OXNAD1: variants seen among roughly 807,000 people sequenced by gnomAD.
OXNAD1 encodes oxidoreductase NAD-binding domain-containing protein 1.
In OXNAD1, 34 loss-of-function variants were observed where a neutral mutation model predicts 32.9. The observed-to-expected ratio is 1.03, with a 90% CI of 0.79 to 1.38. OXNAD1 has a LOEUF of 1.38. Among genes scored for constraint, OXNAD1 ranks in the 40% most tolerant of loss-of-function variants. The pLI is 0.00. For missense variants in OXNAD1, 407 were observed against 379.4 expected (o/e 1.07, Z -0.60); for synonymous variants, 134 against 135.2 (o/e 0.99, Z 0.06).
chr3:16,328,133 A>G (rs921833805), intron 9 of OXNAD1, among the ~76,000 whole-genome samples: 6 of 152,260 alleles, frequency 3.9e-5, no homozygotes, highest in Non-Finnish European at 7.3e-5. Context: ...CAGCACAAAC[A>G]TGCCAGGAAC....
chr3:16,293,725 T>G (rs908758660), intron 5 of OXNAD1, among the ~76,000 whole-genome samples: 1 of 152,228 alleles, frequency 6.6e-6, no homozygotes, highest in Non-Finnish European at 1.5e-5. Flanking sequence ...GTAGACATCC[T>G]AATCTTGTTT....
At chr3:16,268,893 A>T (rs916045554) in intron 1 of OXNAD1, among the ~76,000 whole-genome samples, 1 of 152,150 alleles carries the variant, frequency 6.6e-6, no homozygotes, top group East Asian at 1.9e-4. Context: ...CCTAAGTAGC[A>T]GGTGTTAAAG....
At position 16,271,010 on chromosome 3, in the gene OXNAD1, C is replaced by G. The variant is rs2064890083; in HGVS notation, c.58C>G (p.Arg20Gly). The change falls in exon 3 of 9, where the codon CGT becomes GGT. Residue 20 changes from arginine (R) to glycine (G), a missense_variant. Coordinates refer to ENST00000285083, the MANE Select transcript of OXNAD1 (RefSeq NM_138381.5). This position sits in a 1 kb window ranked among gnomAD's most constrained non-coding sequence, Gnocchi z 4.6. ...GTTGCGGTGCTCTGTTGGAGCCATC[C>G]GTATTGAGGCTGCGTCACTGAGATT... ...GLLRCSVGAI[R>G]IEAASLRLTL... 1 of 1,614,034 alleles carries G rather than the reference C, an allele frequency of 6.2e-7. No individual in the cohort carries two copies. Among genetic ancestry groups the G allele is most frequent in the African/African-American group, 1.3e-5 (1 of 74,920 alleles).
chr3:16,323,464 C>T (rs994871775), intron 9 of OXNAD1: 1 of 1,608,268 alleles, frequency 6.2e-7, no homozygotes, highest in Non-Finnish European at 8.5e-7. Flanking sequence ...CTCGCTGTAA[C>T]ACACGGAGCT....
chr3:16,308,826 A>C (rs2067753004), downstream of OXNAD1, among the ~76,000 whole-genome samples: 1 of 152,168 alleles, frequency 6.6e-6, no homozygotes, highest in Non-Finnish European at 1.5e-5. The surrounding 1 kb of genome is among the most constrained non-coding windows in gnomAD (Gnocchi z 4.4). Flanking sequence ...GGCCCCTTCC[A>C]GCTCATCCCC....
At chr3:16,293,902 A>G (rs765514350) in intron 5 of OXNAD1, among the ~76,000 whole-genome samples, 1 of 152,168 alleles carries the variant, frequency 6.6e-6, no homozygotes, top group African/African-American at 2.4e-5. Context: ...TTTCTTGACT[A>G]TTGAGATGAT....
chr3:16,271,798 G>A lies in OXNAD1; in HGVS notation c.183+76G>A. ...TGGTTATGACTGGCTTATGGGTAAA[G>A]CATTAGATGAGTCTGGTCCTTTTGA... On this transcript the variant is annotated intron_variant, in intron 4 of 8. Coordinates refer to ENST00000285083, the MANE Select transcript of OXNAD1 (RefSeq NM_138381.5). This position sits in a 1 kb window ranked among gnomAD's most constrained non-coding sequence, Gnocchi z 4.6. 1 of 1,256,736 alleles carries A rather than the reference G, an allele frequency of 8.0e-7. No homozygotes were observed. The highest frequency in any genetic ancestry group is 1.1e-6 in the Non-Finnish European group (1 of 893,634). 77.8% of individuals were successfully genotyped at this position (1,256,736 alleles called of 1,614,324 possible).
rs990183955 is a variant in OXNAD1, at chr3:16,277,541, C to T, written c.183+5819C>T. Among the ~76,000 whole-genome samples, 1 of 152,154 alleles carries T rather than the reference C, an allele frequency of 6.6e-6. No individual in the cohort carries two copies. The highest frequency in any genetic ancestry group is 2.4e-5 in the African/African-American group (1 of 41,420). ...ATGTTATTTGCTCTTCAGTTCAAGT[C>T]CATGAGGTAGCCTAAGGATACGATG... On this transcript the variant is annotated intron_variant, in intron 4 of 8. Coordinates refer to ENST00000285083, the MANE Select transcript of OXNAD1 (RefSeq NM_138381.5). The surrounding 1 kb of genome is among the most constrained non-coding windows in gnomAD (Gnocchi z 4.3).
At chr3:16,293,127 A>T (rs1442873271) in intron 5 of OXNAD1, among the ~76,000 whole-genome samples, 1 of 152,224 alleles carries the variant, frequency 6.6e-6, no homozygotes, top group Non-Finnish European at 1.5e-5. Flanking sequence ...TTGCCATCTT[A>T]GCAATATTTA....
At chr3:16,326,548 TCA>T (rs2069712494) in intron 9 of OXNAD1, among the ~76,000 whole-genome samples, 1 of 152,168 alleles carries the variant, frequency 6.6e-6, no homozygotes, top group African/African-American at 2.4e-5. Flanking sequence ...CAGTAATGAC[TCA>T]CAGGGCCCCC....
chr3:16,340,264 C>T (rs539228062), downstream of OXNAD1, among the ~76,000 whole-genome samples: 11 of 152,296 alleles, frequency 7.2e-5, no homozygotes, highest in South Asian at 1.9e-3. Flanking sequence ...TGATGCAAAC[C>T]GCAGCATGAA....
At position 16,289,497 on chromosome 3, in the gene OXNAD1, T is replaced by C. The variant is rs1200575372; in HGVS notation, c.290+3049T>C. On this transcript the variant is annotated intron_variant, in intron 5 of 8. Coordinates refer to ENST00000285083, the MANE Select transcript of OXNAD1 (RefSeq NM_138381.5). This position sits in a 1 kb window ranked among gnomAD's most constrained non-coding sequence, Gnocchi z 4.9. The stretch of plus-strand genomic sequence containing the variant: ...GCTAGAAAGCAACTTTGAGCCCTGC[T>C]GAGAGAAAGAGGACACCAAGAAGAA... Among the ~76,000 whole-genome samples, 1 of 152,180 alleles carries C rather than the reference T, an allele frequency of 6.6e-6. No homozygotes were observed. Among genetic ancestry groups the C allele is most frequent in the Admixed American group, 6.5e-5 (1 of 15,288 alleles).
rs140683283 is a variant in OXNAD1, at chr3:16,299,106, A to G, written c.433-2520A>G. Among the ~76,000 whole-genome samples the G allele has an allele frequency of 8.7e-3, 1,332 of 152,336 alleles. 11 individuals carry two copies. The highest frequency in any genetic ancestry group is 0.034 in the Middle Eastern group (10 of 294). On this transcript the variant is annotated intron_variant, in intron 6 of 8. Transcript: ENST00000285083. This position sits in a 1 kb window ranked among gnomAD's most constrained non-coding sequence, Gnocchi z 4.4. Reference sequence around the variant, plus strand: ...GTTGAAAATACTCTGGTTTCTAAAAACAATAACCTAGAGGCTTTCTTTGTT... The same window carrying G: ...GTTGAAAATACTCTGGTTTCTAAAAGCAATAACCTAGAGGCTTTCTTTGTT...
chr3:16,273,503 C>T (rs1188927838), intron 4 of OXNAD1, among the ~76,000 whole-genome samples: 1 of 151,386 alleles, frequency 6.6e-6, no homozygotes, highest in Non-Finnish European at 1.5e-5. Flanking sequence ...GACTGATCCT[C>T]CTGCCTAAGC....
At chr3:16,266,260 C>G (rs978214351) in intron 1 of OXNAD1, among the ~76,000 whole-genome samples, 27 of 152,146 alleles carry the variant, frequency 1.8e-4, no homozygotes, top group Admixed American at 1.4e-3. Flanking sequence ...TTACTTGGTT[C>G]AGCAATGATA....
chr3:16,292,337 CA>C (rs528754222), intron 5 of OXNAD1, among the ~76,000 whole-genome samples: 174 of 152,030 alleles, frequency 1.1e-3, no homozygotes, highest in African/African-American at 4.0e-3. Context: ...ACTACAGGTG[CA>C]TCTGCCACCA....
chr3:16,310,991 CAAAAAAAAAAAA>C (rs1003070321), downstream of OXNAD1, among the ~76,000 whole-genome samples: 2 of 57,558 alleles, frequency 3.5e-5, no homozygotes, highest in Admixed American at 4.0e-4. Context: ...ACTCAGTCTC[CAAAAAAAAAAAA>C]AAAAAAAAAA....
downstream of OXNAD1, among the ~76,000 whole-genome samples, chr3:16,306,799 T>TAAAGTGGTGTGCTTCCTGTGGCATC (rs2067593749): frequency 6.6e-6 from 1 of 152,236 alleles, no homozygotes; most frequent in African/African-American, 2.4e-5. Context: ...GCCTGTATTA[T>TAAAGTGGTGTGCTTCCTGTGGCATC]AAAGTGGTGT....
chr3:16,324,646 T>TTTTGTG (rs1491457510), intron 9 of OXNAD1, among the ~76,000 whole-genome samples: 1 of 100,434 alleles, frequency 1.0e-5, no homozygotes, highest in African/African-American at 4.2e-5. Context: ...TAGTATTCCA[T>TTTTGTG]TGTGTGTGTG....
Sources: gnomAD v4.1 joint callset for allele counts (sites outside exome capture counted in the v4.1 genomes callset) on GRCh38, gnomAD v4.1.1 for gene constraint, Gnocchi (gnomAD v3.1) non-coding constraint, MANE v1.5 for transcripts, NCBI Gene and HGNC (gene_info 2026-07-23, HGNC 2026-07-21) for gene names.